LRRN4: variants seen among roughly 807,000 people sequenced by gnomAD.
LRRN4 encodes leucine-rich repeat neuronal protein 4.
Under a neutral mutation model 22.3 loss-of-function variants are expected in LRRN4, and 26 were observed. That is an observed-to-expected ratio of 1.16 (90% CI 0.85 to 1.62). LRRN4 has a LOEUF of 1.62. Among genes scored for constraint, LRRN4 ranks in the 40% most tolerant of loss-of-function variants. LRRN4 has a pLI of 0.00. For missense variants in LRRN4, 1,070 were observed against 1,008.5 expected (o/e 1.06, Z -0.83); for synonymous variants, 496 against 486.2 (o/e 1.02, Z -0.26).
At chr20:6,049,958 C>T (rs916999453) in intron 3 of LRRN4, among the ~76,000 whole-genome samples, 2 of 152,232 alleles carry the variant, frequency 1.3e-5, no homozygotes, top group Non-Finnish European at 2.9e-5. Context: ...ATAACCACCA[C>T]CATCATCTTC....
In LRRN4 at chr20:6,052,192, A is replaced by G; in HGVS notation, c.608T>C (p.Leu203Pro). 1 of 1,597,162 alleles carries G rather than the reference A, an allele frequency of 6.3e-7. No individual in the cohort carries two copies. The highest frequency in any genetic ancestry group is 8.5e-7 in the Non-Finnish European group (1 of 1,172,952). ...AAFAGEDGAPLVTLEVLDLSG... is the reference protein window; with the variant it reads ...AAFAGEDGAPPVTLEVLDLSG... ...GAGATCCAGGACTTCGAGCGTGACC[A>G]GGGGCGCGCCATCCTCTCCAGCGAA... Residue 203 changes from leucine to proline, a missense_variant, in exon 2 of 5, where the codon CTG (leucine) becomes CCG (proline). Physicochemically the swap from Leu to Pro is moderately conservative, Grantham distance 98. Transcript: ENST00000378858.
Position 6,040,651 on chromosome 20 carries a change from C to T in LRRN4, c.*371G>A. ...CTGAGGATGTGATTTCTAACATGAT[C>T]AAAGAGGCTGGGTTATGCAACTTCT... On this transcript the variant is annotated 3_prime_UTR_variant, in exon 5 of 5. Transcript: ENST00000378858. 1 of 193,778 alleles carries T rather than the reference C, an allele frequency of 5.2e-6. No individual in the cohort carries two copies. Among genetic ancestry groups the T allele is most frequent in the Non-Finnish European group, 1.1e-5 (1 of 94,564 alleles). 12.0% of individuals were successfully genotyped at this position (193,778 alleles called of 1,614,324 possible).
At position 6,052,337 on chromosome 20, in the gene LRRN4, C is replaced by T. The variant is rs772088409; in HGVS notation, c.463G>A (p.Gly155Arg). The change falls in exon 2 of 5, where the codon GGG (glycine) becomes AGG (arginine). Residue 155 changes from glycine (G) to arginine (R), a missense_variant. By Grantham distance (125) the Gly-to-Arg change is moderately radical. Coordinates refer to ENST00000378858, the MANE Select transcript of LRRN4 (RefSeq NM_152611.5). ...LSSLRALALA[G>R]NPLRALQPRA... Reference sequence around the variant, plus strand: ...GGCTGCAGCGCCCGCAGCGGATTCCCGGCGAGCGCCAGGGCGCGGAGGCTG... The same window carrying T: ...GGCTGCAGCGCCCGCAGCGGATTCCTGGCGAGCGCCAGGGCGCGGAGGCTG... 105 of 1,507,860 alleles carry T rather than the reference C, an allele frequency of 7.0e-5. No homozygotes were observed. Among genetic ancestry groups the T allele is most frequent in the Non-Finnish European group, 9.1e-5 (103 of 1,136,526 alleles). 93.4% of individuals were successfully genotyped at this position (1,507,860 alleles called of 1,614,324 possible). A position where few individuals can be genotyped will look rare whatever the true frequency, so the allele number is the denominator to read the frequency against.
chr20:6,052,892 C>T lies in LRRN4; in HGVS notation c.-5-88G>A, dbSNP rs144821424. On this transcript the variant is annotated intron_variant, in intron 1 of 4. Coordinates refer to ENST00000378858, the MANE Select transcript of LRRN4 (RefSeq NM_152611.5). Reference sequence around the variant, plus strand: ...GCGCGTCCCAACCCTACCTCCAGGGCTCTGAGGAGGAGCACAGGCGCTGGA... The same window carrying T: ...GCGCGTCCCAACCCTACCTCCAGGGTTCTGAGGAGGAGCACAGGCGCTGGA... 3.1e-3 allele frequency: 4,140 copies of T among 1,335,386 alleles called. 70 individuals carry two copies. In the African/African-American group the frequency reaches 0.04, roughly 13 times the overall value. 82.7% of individuals were successfully genotyped at this position (1,335,386 alleles called of 1,614,324 possible).
chr20:6,045,538 C>A lies in LRRN4; in HGVS notation c.861-858G>T, dbSNP rs1032921695. ...GTTTGTAAATGCAAATCTCCACATA[C>A]AAATAGATATTGTTATTATGGACCA... On this transcript the variant is annotated intron_variant, in intron 3 of 4. Coordinates refer to ENST00000378858, the MANE Select transcript of LRRN4 (RefSeq NM_152611.5). Among the ~76,000 whole-genome samples, 10 of 148,986 alleles carry A rather than the reference C, an allele frequency of 6.7e-5. 2 individuals are homozygous for A. Among genetic ancestry groups the A allele is most frequent in the Non-Finnish European group, 1.5e-4 (10 of 66,578 alleles).
rs753065577 is a variant in LRRN4, at chr20:6,041,789, A to G, written c.1456T>C (p.Phe486Leu). 6 of 1,614,082 alleles carry G rather than the reference A, an allele frequency of 3.7e-6. 1 individual carries two copies. The South Asian group carries it at 6.6e-5, about 18-fold the overall frequency. ...TPLASKLLGP[F>L]PTSWDRSISS... ...ATGCTGCGGTCCCACGAGGTAGGGA[A>G]GGGGCCCAGGAGCTTGCTGGCCAGT... The change falls in exon 5 of 5, where the codon TTC becomes CTC. Residue 486 changes from phenylalanine to leucine, a missense_variant. By Grantham distance (22) the Phe-to-Leu change is conservative. Transcript: ENST00000378858. This position sits in a 1 kb window ranked among gnomAD's most constrained non-coding sequence, Gnocchi z 9.4.
At chr20:6,050,478 C>A (rs940214545) in intron 3 of LRRN4, among the ~76,000 whole-genome samples, 1 of 152,188 alleles carries the variant, frequency 6.6e-6, no homozygotes, top group Non-Finnish European at 1.5e-5. Context: ...GACCTGAGGT[C>A]CTCCTCACCT....
In LRRN4 at chr20:6,041,587, T is replaced by G. The variant is rs771704314; in HGVS notation, c.1658A>C (p.Lys553Thr). ...CTCCGCGCACGGGGTCTGCAGGTGC[T>G]TGCAGGGATGGTAATCACAGGGGAC... is the stretch of plus-strand genomic sequence containing the variant. ...QDVPCDYHPCKHLQTPCAELQ... is the reference protein window; with the variant it reads ...QDVPCDYHPCTHLQTPCAELQ... Residue 553 changes from lysine (K) to threonine (T), a missense_variant, in exon 5 of 5, where the codon AAG becomes ACG. Coordinates refer to ENST00000378858, the MANE Select transcript of LRRN4 (RefSeq NM_152611.5). The surrounding 1 kb of genome is among the most constrained non-coding windows in gnomAD (Gnocchi z 9.4). 1 of 1,566,810 alleles carries G rather than the reference T, an allele frequency of 6.4e-7. No homozygotes were observed. The highest frequency in any genetic ancestry group is 1.2e-5 in the South Asian group (1 of 82,752).
In LRRN4 at chr20:6,041,862, A is replaced by G. The variant is rs1980966291; in HGVS notation, c.1383T>C (p.His461=). The G allele has an allele frequency of 6.2e-7, 1 of 1,614,122 alleles. No individual in the cohort carries two copies. Reference sequence around the variant, plus strand: ...CAGGCTCAAGGACAAGCTCGGGGGCATGTTCTCCTCGGTGCTGGGTCCTGG... The same window carrying G: ...CAGGCTCAAGGACAAGCTCGGGGGCGTGTTCTCCTCGGTGCTGGGTCCTGG... ...STTRTQHRGE[H]APELVLEPDI... The change falls in exon 5 of 5, where the codon CAT becomes CAC. Residue 461 remains histidine (H), a synonymous_variant. Transcript: ENST00000378858. The surrounding 1 kb of genome is among the most constrained non-coding windows in gnomAD (Gnocchi z 9.4).
chr20:6,050,159 A>G (rs533847604), intron 3 of LRRN4, among the ~76,000 whole-genome samples: 20 of 152,352 alleles, frequency 1.3e-4, no homozygotes, highest in African/African-American at 4.8e-4. Flanking sequence ...ATCGAGCTCA[A>G]AGGAGTCTGA....
chr20:6,052,080 C>T (rs978667330), intron 2 of LRRN4, 65 bp downstream of exon 2: 2 of 1,507,878 alleles, frequency 1.3e-6, no homozygotes, highest in Non-Finnish European at 1.8e-6. Flanking sequence ...CCCTGCCCCC[C>T]GGAGCGCACG....
rs752872193 is a variant in LRRN4, at chr20:6,044,608, G to T, written c.933C>A (p.Asn311Lys). 1 of 1,595,388 alleles carries T rather than the reference G, an allele frequency of 6.3e-7. No homozygotes were observed. The highest frequency in any genetic ancestry group is 8.5e-7 in the Non-Finnish European group (1 of 1,170,978). Residue 311 changes from asparagine (N) to lysine (K), a missense_variant, in exon 4 of 5, where the codon AAC (asparagine) becomes AAA (lysine). Physicochemically the swap from Asn to Lys is moderately conservative, Grantham distance 94 (BLOSUM62 0). Transcript: ENST00000378858. ...SQVLSINLFG[N>K]PLTCSCDLSW... ...ACAAGTCACAACTGCAAGTGAGGGG[G>T]TTGCCAAAGAGGTTGATCGATAGGA...
chr20:6,050,776 T>A lies in LRRN4; in HGVS notation c.860+3A>T. ...GATGAAGATGTGCCTCAGAAGCACTTACTTCTGGAACAGAAGGACCTGTAG... is the reference window on the plus strand; with the variant it reads ...GATGAAGATGTGCCTCAGAAGCACTAACTTCTGGAACAGAAGGACCTGTAG... On this transcript the variant is annotated splice_donor_region_variant and intron_variant, in intron 3 of 4. Transcript: ENST00000378858. 6.2e-7 allele frequency: 1 copy of A among 1,613,378 alleles called. No homozygotes were observed. Among genetic ancestry groups the A allele is most frequent in the Non-Finnish European group, 8.5e-7 (1 of 1,179,714 alleles).
chr20:6,044,902 A>C (rs117204097), intron 3 of LRRN4, among the ~76,000 whole-genome samples: 40 of 152,206 alleles, frequency 2.6e-4, no homozygotes, highest in Non-Finnish European at 4.7e-4. Flanking sequence ...ATTATGCTTC[A>C]TATCAACTGG....
At chr20:6,043,781 G>A (rs1981033518) in intron 4 of LRRN4, among the ~76,000 whole-genome samples, 1 of 152,030 alleles carries the variant, frequency 6.6e-6, no homozygotes, top group South Asian at 2.1e-4. Flanking sequence ...GTGGTGGCTT[G>A]CACCTCTGGT....
At chr20:6,046,967 A>AT (rs1204909140) in intron 3 of LRRN4, among the ~76,000 whole-genome samples, 2 of 151,392 alleles carry the variant, frequency 1.3e-5, no homozygotes, top group Non-Finnish European at 2.9e-5. Context: ...AGAGGATTAT[A>AT]TTTTTTTTTC....
chr20:6,042,055 G>A lies in LRRN4; in HGVS notation c.1190C>T (p.Thr397Ile). The A allele has an allele frequency of 6.2e-7, 1 of 1,613,974 alleles. No homozygotes were observed. The highest frequency in any genetic ancestry group is 8.5e-7 in the Non-Finnish European group (1 of 1,179,940). The change falls in exon 5 of 5, where the codon ACC (threonine) becomes ATC (isoleucine). Residue 397 changes from threonine to isoleucine, a missense_variant. Physicochemically the swap from Thr to Ile is moderately conservative, Grantham distance 89. Coordinates refer to ENST00000378858, the MANE Select transcript of LRRN4 (RefSeq NM_152611.5). Reference protein sequence around the residue: ...TTVAPSAAPATRPAGDQQSVS... With the variant: ...TTVAPSAAPAIRPAGDQQSVS... ...ACTCTGCTGGTCTCCCGCAGGCCGG[G>A]TGGCGGGGGCTGCGCTGGGCGCGAC...
chr20:6,051,554 G>A (rs571110380), intron 2 of LRRN4, among the ~76,000 whole-genome samples: 71 of 152,178 alleles, frequency 4.7e-4, no homozygotes, highest in African/African-American at 1.7e-3. Context: ...TAGTAAAACC[G>A]ACCTTGTGAA....
rs1235020634 is a variant in LRRN4 at position 6,040,961 on chromosome 20, CTG to C, written c.*59_*60del. On this transcript the variant is annotated 3_prime_UTR_variant, in exon 5 of 5. Transcript: ENST00000378858. ...AGCGGATGGGGTCGTTTTTGACCGT[CTG>C]TGTCTTCCTTTTTGCGCTCAGATCC... 4 of 1,592,822 alleles carry C rather than the reference CTG, an allele frequency of 2.5e-6. No homozygotes were observed. In the East Asian group the frequency reaches 9.0e-5, roughly 36 times the overall value.
Sources: gnomAD v4.1 joint callset for allele counts (sites outside exome capture counted in the v4.1 genomes callset) on GRCh38, gnomAD v4.1.1 for gene constraint, Gnocchi (gnomAD v3.1) non-coding constraint, MANE v1.5 for transcripts, NCBI Gene and HGNC (gene_info 2026-07-23, HGNC 2026-07-21) for gene names.